ZNF432: variants seen among roughly 807,000 people sequenced by gnomAD.
The protein encoded by ZNF432 is zinc finger protein 432.
ZNF432 carries 10 observed loss-of-function variants against 13.9 expected under a neutral mutation model. The ratio of observed to expected loss-of-function variants is 0.72; its 90% CI spans 0.44 to 1.22. The LOEUF (loss-of-function observed/expected upper bound fraction) is 1.22. Among genes scored for constraint, ZNF432 ranks in the 50% most tolerant of loss-of-function variants. ZNF432 has a pLI of 0.00. For synonymous variants in ZNF432, 247 were observed against 256.2 expected, an observed-to-expected ratio of 0.96 and a Z score of 0.34; for missense variants, 793 against 796.2, an observed-to-expected ratio of 1.00 and a Z score of 0.05.
At chr19:52,043,191 T>C (rs915768302) in intron 2 of ZNF432, among the ~76,000 whole-genome samples, 8 of 152,292 alleles carry the variant, frequency 5.3e-5, no homozygotes, top group Non-Finnish European at 7.4e-5. Flanking sequence ...GAAGTAGACA[T>C]AGGAGACTCC....
chr19:52,035,361 T>G lies in ZNF432; in HGVS notation c.318A>C (p.Glu106Asp), dbSNP rs1249209656. The change falls in exon 5 of 5, where the codon GAA becomes GAC. Residue 106 changes from glutamate to aspartate, a missense_variant. By Grantham distance (45) the Glu-to-Asp change is conservative (BLOSUM62 2). Coordinates refer to ENST00000221315, the MANE Select transcript of ZNF432 (RefSeq NM_014650.4). ...AGGCAGTATTTCCAAATGCATTATGTTCATGGTATTGTTCCACACTCTTCA... is the reference window on the plus strand; with the variant it reads ...AGGCAGTATTTCCAAATGCATTATGGTCATGGTATTGTTCCACACTCTTCA... ...RMLKSVEQYH[E>D]HNAFGNTASQ... is the part of the protein sequence containing the mutation. 9 of 1,610,130 alleles carry G rather than the reference T, an allele frequency of 5.6e-6. No individual in the cohort carries two copies. The highest frequency in any genetic ancestry group is 7.6e-6 in the Non-Finnish European group (9 of 1,179,010).
In ZNF432 at chr19:52,035,189, A is replaced by G. The variant is rs2087066342; in HGVS notation, c.490T>C (p.Ser164Pro). 6.2e-7 allele frequency: 1 copy of G among 1,613,170 alleles called. No homozygotes were observed. Among genetic ancestry groups the G allele is most frequent in the Non-Finnish European group, 8.5e-7 (1 of 1,179,810 alleles). ...NSTKFSGDGK[S>P]FLHGNYEELY... ...TCTTCATAGTTACCATGAAGAAATGATTTCCCATCTCCACTAAATTTAGTA... is the reference window on the plus strand; with the variant it reads ...TCTTCATAGTTACCATGAAGAAATGGTTTCCCATCTCCACTAAATTTAGTA... The change falls in exon 5 of 5, where the codon TCA becomes CCA. Residue 164 changes from serine (S) to proline (P), a missense_variant. Transcript: ENST00000221315.
At chr19:52,037,998 CTTA>C (rs2087100960) in intron 4 of ZNF432, among the ~76,000 whole-genome samples, 1 of 152,106 alleles carries the variant, frequency 6.6e-6, no homozygotes, top group South Asian at 2.1e-4. Context: ...TTAGCTGTTT[CTTA>C]TTATTGCTAC....
At chr19:52,043,657 TCTCGGTATAAA>T (rs1334958692) in intron 2 of ZNF432, among the ~76,000 whole-genome samples, 1 of 152,136 alleles carries the variant, frequency 6.6e-6, no homozygotes, top group Non-Finnish European at 1.5e-5. Flanking sequence ...CAATGGAATG[TCTCGGTATAAA>T]ACCCGATTGT....
chr19:52,043,490 T>TA, intron 2 of ZNF432, among the ~76,000 whole-genome samples: 1 of 151,932 alleles, frequency 6.6e-6, no homozygotes, highest in Non-Finnish European at 1.5e-5. Flanking sequence ...CCCCATGTGA[T>TA]AGTCTGAAAT....
rs1246229014 is a variant in ZNF432, at chr19:52,034,000, T to G, written c.1679A>C (p.Gln560Pro). Residue 560 changes from glutamine to proline, a missense_variant, in exon 5 of 5, where the codon CAG (glutamine) becomes CCG (proline). By Grantham distance (76) the Gln-to-Pro change is moderately conservative (BLOSUM62 -1). Coordinates refer to ENST00000221315, the MANE Select transcript of ZNF432 (RefSeq NM_014650.4). ...AGATTTCTCTTCTGTATGAATTTGCTGATGTACAATGAGATAGCGTTTCAT... is the reference window on the plus strand; with the variant it reads ...AGATTTCTCTTCTGTATGAATTTGCGGATGTACAATGAGATAGCGTTTCAT... ...FTMKRYLIVH[Q>P]QIHTEEKSCI... The G allele has an allele frequency of 8.7e-6, 14 of 1,614,100 alleles. No individual in the cohort carries two copies. Among genetic ancestry groups the G allele is most frequent in the Non-Finnish European group, 9.3e-6 (11 of 1,180,062 alleles).
At chr19:52,039,186 C>T (rs941137257) in intron 4 of ZNF432, among the ~76,000 whole-genome samples, 1 of 152,198 alleles carries the variant, frequency 6.6e-6, no homozygotes, top group Admixed American at 6.5e-5. Flanking sequence ...ACTTGGACCC[C>T]CTCCTGGACT....
intron 2 of ZNF432, among the ~76,000 whole-genome samples, chr19:52,042,135 T>A (rs780385786): frequency 6.6e-6 from 1 of 152,202 alleles, no homozygotes; most frequent in Non-Finnish European, 1.5e-5. Context: ...TATGCACACA[T>A]ACATATAAAT....
intron 4 of ZNF432, chr19:52,040,235 A>T: frequency 2.0e-6 from 1 of 508,084 alleles, no homozygotes; most frequent in Admixed American, 3.3e-5. Context: ...GTAAACAGTA[A>T]ACAAAAATAG....
At chr19:52,039,384 A>G (rs772366802) in intron 4 of ZNF432, among the ~76,000 whole-genome samples, 8 of 152,270 alleles carry the variant, frequency 5.3e-5, no homozygotes, top group South Asian at 4.1e-4. Flanking sequence ...ACAATGGAAT[A>G]TTATTCAACA....
In ZNF432 at chr19:52,033,114, C is replaced by A. The variant is rs1444135777; in HGVS notation, c.*606G>T. On this transcript the variant is annotated 3_prime_UTR_variant, in exon 5 of 5. Transcript: ENST00000221315. Reference sequence around the variant, plus strand: ...ATAGTTACTTAGAAAATTTTCAAGACTTTTCTGCATTGGATGTATCAAGTT... The same window carrying A: ...ATAGTTACTTAGAAAATTTTCAAGAATTTTCTGCATTGGATGTATCAAGTT... The A allele has an allele frequency of 6.6e-6, 1 of 152,244 alleles. No individual in the cohort carries two copies. The highest frequency in any genetic ancestry group is 1.5e-5 in the Non-Finnish European group (1 of 68,074). The allele number at this position is 152,244 out of a possible 1,614,324, so 9.4% of individuals were successfully genotyped here.
intron 3 of ZNF432, 87 bp downstream of exon 3, chr19:52,041,393 C>A: frequency 6.8e-7 from 1 of 1,476,356 alleles, no homozygotes; most frequent in East Asian, 2.4e-5. Flanking sequence ...ATTCAGAGCA[C>A]TGCAGTAACT....
chr19:52,035,710 T>G (rs990113585), intron 4 of ZNF432, among the ~76,000 whole-genome samples: 1 of 152,098 alleles, frequency 6.6e-6, no homozygotes, highest in Non-Finnish European at 1.5e-5. Context: ...TTTTTGTATT[T>G]TTAGTAGAGA....
At chr19:52,035,513 T>C in intron 4 of ZNF432, 73 bp from the exon 5 acceptor site, 1 of 1,212,778 alleles carries the variant, frequency 8.2e-7, no homozygotes, top group Non-Finnish European at 1.1e-6. Flanking sequence ...GAAAAAAAAA[T>C]CCTTGGTGTT....
Position 52,046,974 on chromosome 19 carries a change from G to T in ZNF432, c.-106C>A. On this transcript the variant is annotated 5_prime_UTR_variant, in exon 2 of 5. Transcript: ENST00000221315. ...GAAACTTCAGTCACCAGTGAAGGGT[G>T]TCCACAGAAATCATATCTAGGTCCT... is the stretch of plus-strand genomic sequence containing the variant. 1 of 1,184,726 alleles carries T rather than the reference G, an allele frequency of 8.4e-7. No homozygotes were observed. Among genetic ancestry groups the T allele is most frequent in the Non-Finnish European group, 1.2e-6 (1 of 822,446 alleles). 73.4% of individuals were successfully genotyped at this position (1,184,726 alleles called of 1,614,324 possible). A position where few individuals can be genotyped will look rare whatever the true frequency, so the allele number is the denominator to read the frequency against.
chr19:52,040,648 A>C (rs2087126465), intron 3 of ZNF432, 65 bp from the exon 4 acceptor site: 1 of 1,320,680 alleles, frequency 7.6e-7, no homozygotes, highest in African/African-American at 1.4e-5. Flanking sequence ...ATGTGAGAGA[A>C]TGTTACATTT....
intron 4 of ZNF432, among the ~76,000 whole-genome samples, chr19:52,035,757 T>C (rs927252466): frequency 8.5e-5 from 13 of 152,154 alleles, no homozygotes; most frequent in African/African-American, 2.7e-4. Context: ...GGTCTTGAAC[T>C]CCTGACCTCC....
Position 52,033,625 on chromosome 19 carries a change from A to G in ZNF432, c.*95T>C. The G allele has an allele frequency of 1.5e-6, 2 of 1,358,270 alleles. No individual in the cohort carries two copies. The highest frequency in any genetic ancestry group is 4.9e-5 in the Admixed American group (2 of 40,952). The allele number at this position is 1,358,270 out of a possible 1,614,324, so 84.1% of individuals were successfully genotyped here. On this transcript the variant is annotated 3_prime_UTR_variant, in exon 5 of 5. Coordinates refer to ENST00000221315, the MANE Select transcript of ZNF432 (RefSeq NM_014650.4). ...TGGATTTTGAAATATGATTTTTCAT[A>G]CTCAGTACACATGTAGAAAATCTAT...
chr19:52,046,618 A>T (rs898365524), intron 2 of ZNF432, among the ~76,000 whole-genome samples: 10 of 152,206 alleles, frequency 6.6e-5, no homozygotes, highest in Non-Finnish European at 1.5e-4. Flanking sequence ...GCTGTCAGAG[A>T]CATCAGATGC....
Sources: gnomAD v4.1 joint callset for allele counts (sites outside exome capture counted in the v4.1 genomes callset) on GRCh38, gnomAD v4.1.1 for gene constraint, MANE v1.5 for transcripts, NCBI Gene and HGNC (gene_info 2026-07-23, HGNC 2026-07-21) for gene names.